FUT6: variants seen among roughly 807,000 people sequenced by gnomAD.
The protein encoded by FUT6 is 4-galactosyl-N-acetylglucosaminide 3-alpha-L-fucosyltransferase FUT6.
For missense variants in FUT6, 454 were observed against 494.6 expected (o/e 0.92, Z 0.78); for synonymous variants, 187 against 209.9 (o/e 0.89, Z 0.94).
At position 5,831,084 on chromosome 19, in the gene FUT6, G is replaced by A. The variant is rs2057083743; in HGVS notation, c.*404C>T. 3.5e-6 allele frequency: 2 copies of A among 565,622 alleles called. No homozygotes were observed. The highest frequency in any genetic ancestry group is 2.0e-5 in the South Asian group (1 of 49,156). The allele number at this position is 565,622 out of a possible 1,614,324, so 35.0% of individuals were successfully genotyped here. On this transcript the variant is annotated 3_prime_UTR_variant, in exon 3 of 3. Coordinates refer to ENST00000318336, the MANE Select transcript of FUT6 (RefSeq NM_000150.4). The surrounding 1 kb of genome is among the most constrained non-coding windows in gnomAD (Gnocchi z 7.0). ...CCCTCCAGGGTGAGGTCCCCAGCAG[G>A]TGAGGCTCCTAGCAGGTGAGATTCA...
At chr19:5,834,553 T>A (rs2144805764) in intron 2 of FUT6, 1 of 152,560 alleles carries the variant, frequency 6.6e-6, no homozygotes, top group East Asian at 1.9e-4. Flanking sequence ...ATCCCAGCAC[T>A]TTGGGAGGTC....
Position 5,831,840 on chromosome 19 carries a change from T to G in FUT6, c.728A>C (p.Tyr243Ser), listed in dbSNP as rs755906683. The change falls in exon 3 of 3, where the codon TAT becomes TCT. Residue 243 changes from tyrosine (Y) to serine (S), a missense_variant. Physicochemically the swap from Tyr to Ser is moderately radical, Grantham distance 144. Transcript: ENST00000318336. This position sits in a 1 kb window ranked among gnomAD's most constrained non-coding sequence, Gnocchi z 7.0. ...GTGCAAGGAGTTCTCGAAGGCCAGA[T>G]AGAACTTGTACCGGGACAGCGTCTC... ...MMETLSRYKFYLAFENSLHPD... is the reference protein window; with the variant it reads ...MMETLSRYKFSLAFENSLHPD... The G allele has an allele frequency of 6.2e-7, 1 of 1,613,810 alleles. No homozygotes were observed. Among genetic ancestry groups the G allele is most frequent in the Non-Finnish European group, 8.5e-7 (1 of 1,179,846 alleles).
chr19:5,832,907 T>C lies in FUT6; in HGVS notation c.-12-328A>G. 2.9e-6 allele frequency: 1 copy of C among 341,814 alleles called. No homozygotes were observed. The highest frequency in any genetic ancestry group is 5.5e-6 in the Non-Finnish European group (1 of 183,414). The allele number at this position is 341,814 out of a possible 1,614,324, so 21.2% of individuals were successfully genotyped here. A position where few individuals can be genotyped will look rare whatever the true frequency, so the allele number is the denominator to read the frequency against. ...TGTGTCCCCAGACTCTTCCTCAATC[T>C]GGAGAGAAGACACAGCCGATCATAA... On this transcript the variant is annotated intron_variant, in intron 2 of 2. Transcript: ENST00000318336. The surrounding 1 kb of genome is among the most constrained non-coding windows in gnomAD (Gnocchi z 4.3).
At chr19:5,838,203 T>A (rs2057207698) in intron 1 of FUT6, 1 of 151,778 alleles carries the variant, frequency 6.6e-6, no homozygotes, top group Non-Finnish European at 1.5e-5. Context: ...AAATGATCGA[T>A]CCACGCCACA....
At chr19:5,836,190 G>A (rs967362207) in intron 1 of FUT6, among the ~76,000 whole-genome samples, 1 of 109,094 alleles carries the variant, frequency 9.2e-6, no homozygotes, top group African/African-American at 3.4e-5. Context: ...CACTGTGCCC[G>A]GCCTGGCTAA....
chr19:5,831,230 G>A lies in FUT6; in HGVS notation c.*258C>T, dbSNP rs1022670306. The A allele has an allele frequency of 4.7e-5, 39 of 836,374 alleles. No homozygotes were observed. In the African/African-American group the frequency reaches 5.0e-4, roughly 11 times the overall value. The allele number at this position is 836,374 out of a possible 1,614,324, so 51.8% of individuals were successfully genotyped here. ...CCAGGCTTCCGCAGGGGACGCTCCT[G>A]GAAGCCAGCATGTGAAATCCCAGGT... On this transcript the variant is annotated 3_prime_UTR_variant, in exon 3 of 3. Coordinates refer to ENST00000318336, the MANE Select transcript of FUT6 (RefSeq NM_000150.4). The surrounding 1 kb of genome is among the most constrained non-coding windows in gnomAD (Gnocchi z 7.0).
intron 1 of FUT6, among the ~76,000 whole-genome samples, chr19:5,836,646 T>C (rs1183315795): frequency 6.6e-6 from 1 of 152,180 alleles, no homozygotes; most frequent in African/African-American, 2.4e-5. Flanking sequence ...CTGAGCAGCA[T>C]AGCAAGACCT....
Position 5,831,554 on chromosome 19 carries a change from C to T in FUT6, c.1014G>A (p.Lys338=), listed in dbSNP as rs754968950. 6.2e-7 allele frequency: 1 copy of T among 1,614,158 alleles called. No homozygotes were observed. Among genetic ancestry groups the T allele is most frequent in the Non-Finnish European group, 8.5e-7 (1 of 1,180,016 alleles). ...ATTCCTCCTGCAGTTTCCAGCAGGCCTTGCAGAAAGCGAGTGCCCAGCTGA... is the reference window on the plus strand; with the variant it reads ...ATTCCTCCTGCAGTTTCCAGCAGGCTTTGCAGAAAGCGAGTGCCCAGCTGA... ...RSFSWALAFC[K]ACWKLQEESR... The change falls in exon 3 of 3, where the codon AAG becomes AAA. Residue 338 remains lysine (K), a synonymous_variant. Coordinates refer to ENST00000318336, the MANE Select transcript of FUT6 (RefSeq NM_000150.4). This position sits in a 1 kb window ranked among gnomAD's most constrained non-coding sequence, Gnocchi z 7.0.
chr19:5,831,525 C>T lies in FUT6; in HGVS notation c.1043G>A (p.Arg348Lys). The T allele has an allele frequency of 6.2e-7, 1 of 1,614,152 alleles. No homozygotes were observed. The highest frequency in any genetic ancestry group is 1.1e-5 in the South Asian group (1 of 91,080). The change falls in exon 3 of 3, where the codon AGG (arginine) becomes AAG (lysine). Residue 348 changes from arginine to lysine, a missense_variant. Coordinates refer to ENST00000318336, the MANE Select transcript of FUT6 (RefSeq NM_000150.4). The surrounding 1 kb of genome is among the most constrained non-coding windows in gnomAD (Gnocchi z 7.0). ...AGCCGCTATGCCGCGTGTCTGGTACCTGGATTCCTCCTGCAGTTTCCAGCA... is the reference window on the plus strand; with the variant it reads ...AGCCGCTATGCCGCGTGTCTGGTACTTGGATTCCTCCTGCAGTTTCCAGCA... ...KACWKLQEES[R>K]YQTRGIAAWF...
Position 5,832,159 on chromosome 19 carries a change from C to T in FUT6, c.409G>A (p.Glu137Lys), listed in dbSNP as rs759195251. 5 of 1,613,834 alleles carry T rather than the reference C, an allele frequency of 3.1e-6. No homozygotes were observed. Among genetic ancestry groups the T allele is most frequent in the Non-Finnish European group, 2.5e-6 (3 of 1,180,034 alleles). ...QGQRWIWFSMESPSHCWQLKA... is the reference protein window; with the variant it reads ...QGQRWIWFSMKSPSHCWQLKA... ...AGCTGCCAGCAGTGGCTTGGGGACT[C>T]CATGCTGAACCAGATCCATCGCTGC... Residue 137 changes from glutamate (E) to lysine (K), a missense_variant, in exon 3 of 3, where the codon GAG becomes AAG. Transcript: ENST00000318336. The surrounding 1 kb of genome is among the most constrained non-coding windows in gnomAD (Gnocchi z 4.3).
rs146077344 is a variant in FUT6, at chr19:5,831,861, G to A, written c.707C>T (p.Thr236Met). The A allele has an allele frequency of 1.5e-5, 24 of 1,613,962 alleles. No homozygotes were observed. The African/African-American group carries it at 1.9e-4, about 13-fold the overall frequency. Residue 236 changes from threonine to methionine, a missense_variant, in exon 3 of 3, where the codon ACG becomes ATG. Coordinates refer to ENST00000318336, the MANE Select transcript of FUT6 (RefSeq NM_000150.4). This position sits in a 1 kb window ranked among gnomAD's most constrained non-coding sequence, Gnocchi z 7.0. ...KPLPQGTMME[T>M]LSRYKFYLAF... The stretch of plus-strand genomic sequence containing the variant: ...CAGATAGAACTTGTACCGGGACAGC[G>A]TCTCCATCATGGTTCCCTGGGGCAG...
In FUT6 at chr19:5,832,633, C is replaced by T. The variant is rs2057123565; in HGVS notation, c.-12-54G>A. 14 of 1,359,470 alleles carry T rather than the reference C, an allele frequency of 1.0e-5. No homozygotes were observed. The highest frequency in any genetic ancestry group is 1.1e-5 in the Non-Finnish European group (10 of 951,080). 84.2% of individuals were successfully genotyped at this position (1,359,470 alleles called of 1,614,324 possible). On this transcript the variant is annotated intron_variant, in intron 2 of 2. Coordinates refer to ENST00000318336, the MANE Select transcript of FUT6 (RefSeq NM_000150.4). This position sits in a 1 kb window ranked among gnomAD's most constrained non-coding sequence, Gnocchi z 4.3. ...TCATTGATGACAATCTCCTGCTTAC[C>T]AAAGCTCCAGGCCATGAGTCCTGAG... is the stretch of plus-strand genomic sequence containing the variant.
In FUT6 at chr19:5,831,593, C is replaced by T. The variant is rs750938269; in HGVS notation, c.975G>A (p.Leu325=). Residue 325 remains leucine (L), a synonymous_variant, in exon 3 of 3, where the codon CTG becomes CTA. Transcript: ENST00000318336. The surrounding 1 kb of genome is among the most constrained non-coding windows in gnomAD (Gnocchi z 7.0). The part of the protein sequence containing the change: ...YLSYFRWRET[L]RPRSFSWALA... ...GTGCCCAGCTGAAGGAGCGAGGCCGCAGCGTCTCCCGCCAGCGAAAGTAGC... is the reference window on the plus strand; with the variant it reads ...GTGCCCAGCTGAAGGAGCGAGGCCGTAGCGTCTCCCGCCAGCGAAAGTAGC... The T allele has an allele frequency of 1.2e-6, 2 of 1,613,946 alleles. No individual in the cohort carries two copies. Among genetic ancestry groups the T allele is most frequent in the African/African-American group, 2.7e-5 (2 of 74,940 alleles).
In FUT6 at chr19:5,839,114, C is replaced by T. The variant is rs2057220073; in HGVS notation, c.-578G>A. ...GGAAGTGAGCAGAATTTCTACCTTT[C>T]CGCTTTCCTTCCCACCAGATCCCAC... On this transcript the variant is annotated 5_prime_UTR_variant, in exon 1 of 3. Coordinates refer to ENST00000318336, the MANE Select transcript of FUT6 (RefSeq NM_000150.4). The T allele has an allele frequency of 6.6e-6, 1 of 152,176 alleles. No homozygotes were observed. The highest frequency in any genetic ancestry group is 2.1e-4 in the South Asian group (1 of 4,830). The allele number at this position is 152,176 out of a possible 1,614,324, so 9.4% of individuals were successfully genotyped here. A position where few individuals can be genotyped will look rare whatever the true frequency, so the allele number is the denominator to read the frequency against.
chr19:5,836,992 A>G (rs528890907), intron 1 of FUT6, among the ~76,000 whole-genome samples: 15 of 152,326 alleles, frequency 9.8e-5, no homozygotes, highest in Middle Eastern at 3.4e-3. Flanking sequence ...GAGTACCTTC[A>G]GAACATCTTG....
In FUT6 at chr19:5,835,354, G is replaced by A. The variant is rs761286384; in HGVS notation, c.-140-277C>T. On this transcript the variant is annotated intron_variant, in intron 1 of 2. Coordinates refer to ENST00000318336, the MANE Select transcript of FUT6 (RefSeq NM_000150.4). ...CTAAGGCTCAGAGAGACACCTATGT[G>A]TCCTGCTGAGTACACACAACTAGAG... Among the ~76,000 whole-genome samples the A allele has an allele frequency of 6.6e-5, 10 of 152,292 alleles. No homozygotes were observed. In the South Asian group the frequency reaches 1.5e-3, roughly 22 times the overall value.
Position 5,831,418 on chromosome 19 carries a change from A to AT in FUT6, c.*69dup. 6.2e-7 allele frequency: 1 copy of AT among 1,613,260 alleles called. No homozygotes were observed. Among genetic ancestry groups the AT allele is most frequent in the South Asian group, 1.1e-5 (1 of 91,082 alleles). ...TTCAGGCAAACGAGTCCTTAGGTAG[A>AT]TGAGGCCCCCACTCAGGTGAGGCCC... On this transcript the variant is annotated 3_prime_UTR_variant, in exon 3 of 3. Transcript: ENST00000318336. The surrounding 1 kb of genome is among the most constrained non-coding windows in gnomAD (Gnocchi z 7.0).
chr19:5,835,201 C>T (rs1488816674), intron 1 of FUT6, 124 bp from the exon 2 acceptor site: 2 of 152,244 alleles, frequency 1.3e-5, no homozygotes, highest in African/African-American at 4.8e-5. Context: ...GTCCTTCCCG[C>T]CCCCATAGGG....
Position 5,832,611 on chromosome 19 carries a change from T to C in FUT6, c.-12-32A>G. The C allele has an allele frequency of 1.3e-6, 2 of 1,490,608 alleles. No individual in the cohort carries two copies. The highest frequency in any genetic ancestry group is 1.9e-6 in the Non-Finnish European group (2 of 1,068,630). The allele number at this position is 1,490,608 out of a possible 1,614,324, so 92.3% of individuals were successfully genotyped here. ...AGTGGGGAGAGAGGAGTGAGGGTCA[T>C]TGATGACAATCTCCTGCTTACCAAA... On this transcript the variant is annotated intron_variant, in intron 2 of 2. Coordinates refer to ENST00000318336, the MANE Select transcript of FUT6 (RefSeq NM_000150.4). This position sits in a 1 kb window ranked among gnomAD's most constrained non-coding sequence, Gnocchi z 4.3.
Sources: gnomAD v4.1 joint callset for allele counts (sites outside exome capture counted in the v4.1 genomes callset) on GRCh38, gnomAD v4.1.1 for gene constraint, Gnocchi (gnomAD v3.1) non-coding constraint, MANE v1.5 for transcripts, NCBI Gene and HGNC (gene_info 2026-07-23, HGNC 2026-07-21) for gene names.